Variants in FBLN1 observed in about 807,000 individuals in gnomAD.
FBLN1 encodes the protein fibulin 1.
Under a neutral mutation model 89.7 loss-of-function variants are expected in FBLN1, and 34 were observed. That is an observed-to-expected ratio of 0.38 (90% CI 0.29 to 0.50). The LOEUF (loss-of-function observed/expected upper bound fraction) is 0.50, where lower values mean the gene tolerates loss of function less well. Among genes scored for constraint, FBLN1 ranks in the 20% least tolerant of loss-of-function variants. The probability of loss-of-function intolerance (pLI) is 0.92; values close to 1 mark genes in which losing one functional copy is unlikely to be tolerated. For missense variants in FBLN1, 777 were observed against 988.1 expected, an observed-to-expected ratio of 0.79 and a Z score of 2.86; for synonymous variants, 393 against 391.3, an observed-to-expected ratio of 1.00 and a Z score of -0.05.
intron 16 of FBLN1, among the ~76,000 whole-genome samples, chr22:45,593,406 A>G (rs915879423): frequency 6.6e-6 from 1 of 152,094 alleles, no homozygotes; most frequent in African/African-American, 2.4e-5. Flanking sequence ...GCCCGAGGGG[A>G]CCTACATTTT....
intron 11 of FBLN1, among the ~76,000 whole-genome samples, chr22:45,544,274 A>G (rs1038663242): frequency 2.0e-5 from 3 of 152,098 alleles, no homozygotes; most frequent in Admixed American, 2.0e-4. Context: ...TTTAGTAGAG[A>G]CAGGGTTTCC....
intron 16 of FBLN1, among the ~76,000 whole-genome samples, chr22:45,589,559 G>A (rs2089118385): frequency 6.6e-6 from 1 of 152,344 alleles, no homozygotes; most frequent in South Asian, 2.1e-4. Context: ...CCATGGCCCT[G>A]CAGCAGGGGG....
intron 14 of FBLN1, among the ~76,000 whole-genome samples, chr22:45,559,655 A>C (rs1024179674): frequency 6.6e-6 from 1 of 152,154 alleles, no homozygotes; most frequent in African/African-American, 2.4e-5. Flanking sequence ...AACTCCATTA[A>C]TTACCTGACC....
intron 10 of FBLN1, 78 bp from the exon 11 acceptor site, chr22:45,543,323 G>A: frequency 4.5e-6 from 7 of 1,555,850 alleles, no homozygotes; most frequent in Non-Finnish European, 6.1e-6. Context: ...AAGGACATGA[G>A]CTGGCCTTAC....
At chr22:45,521,727 C>T (rs1011615517) in intron 2 of FBLN1, among the ~76,000 whole-genome samples, 1 of 152,152 alleles carries the variant, frequency 6.6e-6, no homozygotes, top group Admixed American at 6.5e-5. Flanking sequence ...CCCAGCCTCC[C>T]CAACCTGGGG....
chr22:45,511,540 G>A (rs1325457662), intron 1 of FBLN1, among the ~76,000 whole-genome samples: 3 of 150,524 alleles, frequency 2.0e-5, no homozygotes, highest in African/African-American at 4.9e-5. Flanking sequence ...TCTGCCTCCC[G>A]GGTTCAAGTG....
intron 2 of FBLN1, among the ~76,000 whole-genome samples, chr22:45,519,111 G>A (rs905887259): frequency 1.3e-5 from 2 of 151,452 alleles, no homozygotes; most frequent in South Asian, 2.1e-4. Flanking sequence ...AGTTGTGGGG[G>A]AGCAAAGGAG....
chr22:45,521,593 C>T (rs531192122), intron 2 of FBLN1, among the ~76,000 whole-genome samples: 7 of 152,240 alleles, frequency 4.6e-5, no homozygotes, highest in Non-Finnish European at 5.9e-5. Flanking sequence ...CCAAACCCCA[C>T]GCAGCCTGTG....
At chr22:45,518,506 C>T (rs2088201027) in intron 1 of FBLN1, 176 bp from the exon 2 acceptor site, 1 of 657,968 alleles carries the variant, frequency 1.5e-6, no homozygotes, top group African/African-American at 1.8e-5. Flanking sequence ...TGTGGACTCG[C>T]AGCTGGGGTC....
chr22:45,511,452 CT>C (rs760422823), intron 1 of FBLN1, among the ~76,000 whole-genome samples: 312 of 130,506 alleles, frequency 2.4e-3, no homozygotes, highest in South Asian at 0.014. Flanking sequence ...CCATGCCTGG[CT>C]TTTTTTTTTT....
Position 45,576,406 on chromosome 22 carries a change from G to A in FBLN1, c.1841-571G>A, listed in dbSNP as rs914165559. Among the ~76,000 whole-genome samples, 6 of 152,060 alleles carry A rather than the reference G, an allele frequency of 3.9e-5. No individual in the cohort carries two copies. The highest frequency in any genetic ancestry group is 1.2e-4 in the African/African-American group (5 of 41,396). On this transcript the variant is annotated intron_variant, in intron 15 of 16. Transcript: ENST00000327858. The surrounding 1 kb of genome is among the most constrained non-coding windows in gnomAD (Gnocchi z 5.2). ...CTGAAAGGACCTTTAGTGGGTCTCC[G>A]CCGGCTTCCTTCCTCACCTTACAGG...
chr22:45,521,603 G>A (rs1183268113), intron 2 of FBLN1, among the ~76,000 whole-genome samples: 1 of 152,216 alleles, frequency 6.6e-6, no homozygotes, highest in Non-Finnish European at 1.5e-5. Flanking sequence ...CGCAGCCTGT[G>A]CCAATCAGAG....
chr22:45,594,103 C>G (rs1373001648), intron 16 of FBLN1, among the ~76,000 whole-genome samples: 2 of 151,256 alleles, frequency 1.3e-5, no homozygotes, highest in Non-Finnish European at 1.5e-5. Context: ...AAATCAGAGT[C>G]TGTAGGATCA....
Position 45,543,521 on chromosome 22 carries a change from G to A in FBLN1, c.1316G>A (p.Cys439Tyr). The change falls in exon 11 of 17, where the codon TGT (cysteine) becomes TAT (tyrosine). Residue 439 changes from cysteine to tyrosine, a missense_variant. Transcript: ENST00000327858. ...CGGCTCTCTGTGGATGGCAGGTCAT[G>A]TGAAGGTGAGGCTGGGGCCCCGTCC... ...GFRLSVDGRS[C>Y]EDINECSSSP... 1 of 1,613,338 alleles carries A rather than the reference G, an allele frequency of 6.2e-7. No individual in the cohort carries two copies. The highest frequency in any genetic ancestry group is 8.5e-7 in the Non-Finnish European group (1 of 1,179,954).
rs539181647 is a variant in FBLN1 at position 45,576,493 on chromosome 22, G to C, written c.1841-484G>C. 1.8e-3 allele frequency among the ~76,000 whole-genome samples: 280 copies of C among 152,138 alleles called. 1 individual carries two copies. The highest frequency in any genetic ancestry group is 3.3e-3 in the Non-Finnish European group (223 of 67,986). The stretch of plus-strand genomic sequence containing the variant: ...GACAGCCCAGAGCTGGGGCTGCCCT[G>C]CTTCACTGTCTGATCTGGGAGATGG... On this transcript the variant is annotated intron_variant, in intron 15 of 16. Coordinates refer to ENST00000327858, the MANE Select transcript of FBLN1 (RefSeq NM_006486.3). This position sits in a 1 kb window ranked among gnomAD's most constrained non-coding sequence, Gnocchi z 5.2.
rs775980601 is a variant in FBLN1 at position 45,577,159 on chromosome 22, C to T, written c.1972+51C>T. 8 of 1,605,544 alleles carry T rather than the reference C, an allele frequency of 5.0e-6. No homozygotes were observed. The highest frequency in any genetic ancestry group is 3.3e-5 in the South Asian group (3 of 90,810). The stretch of plus-strand genomic sequence containing the variant: ...ATCCAGGCACCCCTCCCCCTCCACC[C>T]CGAAACCCTCTCTGGCCCAGCCCAA... On this transcript the variant is annotated intron_variant, in intron 16 of 16. Coordinates refer to ENST00000327858, the MANE Select transcript of FBLN1 (RefSeq NM_006486.3). The surrounding 1 kb of genome is among the most constrained non-coding windows in gnomAD (Gnocchi z 6.6).
chr22:45,573,861 G>T (rs931752719), intron 14 of FBLN1, among the ~76,000 whole-genome samples: 1 of 152,010 alleles, frequency 6.6e-6, no homozygotes, highest in Non-Finnish European at 1.5e-5. Context: ...GTAATAACTC[G>T]TTAAACTATA....
At chr22:45,573,520 AT>A (rs1455698491) in intron 14 of FBLN1, among the ~76,000 whole-genome samples, 1 of 151,444 alleles carries the variant, frequency 6.6e-6, no homozygotes, top group Non-Finnish European at 1.5e-5. Flanking sequence ...CTAAAAAAAA[AT>A]ACAAAAAAAA....
chr22:45,586,859 C>T (rs576181160), intron 16 of FBLN1, among the ~76,000 whole-genome samples: 311 of 152,158 alleles, frequency 2.0e-3, no homozygotes, highest in African/African-American at 7.0e-3. Flanking sequence ...TGATGCCTGT[C>T]GGTGGGTGAC....
Sources: gnomAD v4.1 joint callset for allele counts (sites outside exome capture counted in the v4.1 genomes callset) on GRCh38, gnomAD v4.1.1 for gene constraint, Gnocchi (gnomAD v3.1) non-coding constraint, MANE v1.5 for transcripts, NCBI Gene and HGNC (gene_info 2026-07-23, HGNC 2026-07-21) for gene names.